OSTM1: variants seen among roughly 807,000 people sequenced by gnomAD.
The protein encoded by OSTM1 is osteopetrosis-associated transmembrane protein 1.
A neutral mutation model predicts 35.4 loss-of-function variants in OSTM1; 26 were observed. The ratio of observed to expected loss-of-function variants is 0.73; its 90% confidence interval spans 0.54 to 1.02. The LOEUF is 1.02. Ranked by LOEUF, OSTM1 falls within the 50% of genes least tolerant of loss-of-function variation. The pLI is 0.00. For missense variants in OSTM1, 366 were observed against 409.6 expected (o/e 0.89, Z 0.92); for synonymous variants, 181 against 165.0 (o/e 1.10, Z -0.75).
chr6:108,074,399 G>A lies in OSTM1; in HGVS notation c.253C>T (p.Arg85Trp), dbSNP rs1330814101. The A allele has an allele frequency of 6.3e-7, 1 of 1,575,738 alleles. No individual in the cohort carries two copies. The highest frequency in any genetic ancestry group is 1.3e-5 in the African/African-American group (1 of 74,418). Residue 85 changes from arginine to tryptophan, a missense_variant, in exon 1 of 6, where the codon CGG (arginine) becomes TGG (tryptophan). By Grantham distance (101) the Arg-to-Trp change is moderately radical (BLOSUM62 -3). Transcript: ENST00000193322. ...PDLPDLDPECRELLLDFANSS... is the reference protein window; with the variant it reads ...PDLPDLDPECWELLLDFANSS... ...TTGGCGAAGTCCAGCAGGAGCTCCC[G>A]GCACTCAGGATCCAGATCCGGCAGG...
chr6:108,059,969 A>G (rs1772243317), intron 2 of OSTM1, among the ~76,000 whole-genome samples: 1 of 152,198 alleles, frequency 6.6e-6, no homozygotes, highest in South Asian at 2.1e-4. Context: ...TTAAATTTCT[A>G]TATATTTTTG....
chr6:108,054,869 G>A (rs139660405), intron 2 of OSTM1, among the ~76,000 whole-genome samples: 378 of 152,118 alleles, frequency 2.5e-3, no homozygotes, highest in Non-Finnish European at 4.0e-3. Context: ...TCATAATCAC[G>A]GAATATCAGC....
chr6:108,049,949 T>C (rs555005756), intron 4 of OSTM1, among the ~76,000 whole-genome samples: 66 of 152,340 alleles, frequency 4.3e-4, no homozygotes, highest in Middle Eastern at 3.4e-3. Context: ...AGCTCATTAA[T>C]TCTGACCTCA....
chr6:108,064,393 A>G, intron 1 of OSTM1, 94 bp from the exon 2 acceptor site: 3 of 735,384 alleles, frequency 4.1e-6, no homozygotes, highest in East Asian at 5.2e-5. Context: ...AACATTTATT[A>G]TAAGCTTTTT....
chr6:108,072,591 C>T (rs1772503607), intron 1 of OSTM1, among the ~76,000 whole-genome samples: 1 of 150,072 alleles, frequency 6.7e-6, no homozygotes, highest in Admixed American at 6.7e-5. Flanking sequence ...CGAGATGACA[C>T]CACTGAACTC....
intron 2 of OSTM1, chr6:108,060,952 A>G (rs1772261553): frequency 6.6e-6 from 1 of 152,190 alleles, no homozygotes; most frequent in South Asian, 2.1e-4. Context: ...AAAATAAAGA[A>G]GTGAATCCCA....
rs1456427265 is a variant in OSTM1, at chr6:108,074,327, C to T, written c.325G>A (p.Val109Met). Residue 109 changes from valine to methionine, a missense_variant, in exon 1 of 6, where the codon GTG becomes ATG. Physicochemically the swap from Val to Met is conservative, Grantham distance 21. This residue lies in a region of OSTM1 where 236 missense variants were observed against 239.3 expected (regional missense o/e 0.99). Transcript: ENST00000193322. The part of the protein sequence containing the change: ...TGCLVRSARP[V>M]RLCQTCYPLF... ...GGGTAGCAGGTCTGACAGAGGCGCA[C>T]GGGCCGGGCGCTGCGCACCAGACAC... The T allele has an allele frequency of 2.6e-5, 42 of 1,611,182 alleles. No homozygotes were observed. Among genetic ancestry groups the T allele is most frequent in the Non-Finnish European group, 3.4e-5 (40 of 1,179,558 alleles).
intron 1 of OSTM1, among the ~76,000 whole-genome samples, chr6:108,068,485 C>T (rs1205731113): frequency 3.3e-5 from 5 of 152,282 alleles, no homozygotes; most frequent in South Asian, 2.1e-4. Context: ...AATGACAACC[C>T]TATTCATTAA....
chr6:108,063,689 G>A (rs576133157), intron 2 of OSTM1, among the ~76,000 whole-genome samples: 1 of 152,236 alleles, frequency 6.6e-6, no homozygotes, highest in East Asian at 1.9e-4. Context: ...CCCGCCGCCT[G>A]CCACACACCA....
At chr6:108,059,146 C>A (rs1772229080) in intron 2 of OSTM1, among the ~76,000 whole-genome samples, 1 of 152,182 alleles carries the variant, frequency 6.6e-6, no homozygotes, top group Non-Finnish European at 1.5e-5. Flanking sequence ...CAAATCTGGT[C>A]ATTCTGCTGA....
Position 108,043,531 on chromosome 6 carries a change from A to C in OSTM1, c.*1254T>G, listed in dbSNP as rs1345678029. On this transcript the variant is annotated 3_prime_UTR_variant, in exon 6 of 6. Transcript: ENST00000193322. ...TTTTATATTCTTAATGTTTACAACA[A>C]AGCCTATTTCCACCAAAAAAGCAAG... is the stretch of plus-strand genomic sequence containing the variant. The C allele has an allele frequency of 6.6e-6, 1 of 152,202 alleles. No homozygotes were observed. The highest frequency in any genetic ancestry group is 1.5e-5 in the Non-Finnish European group (1 of 68,034). 9.4% of individuals were successfully genotyped at this position (152,202 alleles called of 1,614,324 possible).
At chr6:108,066,027 T>C (rs1772370542) in intron 1 of OSTM1, among the ~76,000 whole-genome samples, 1 of 151,862 alleles carries the variant, frequency 6.6e-6, no homozygotes, top group South Asian at 2.1e-4. Flanking sequence ...GATCATGGGG[T>C]GAAAGTGATA....
chr6:108,053,798 T>TC (rs1772124122), intron 3 of OSTM1, among the ~76,000 whole-genome samples: 2 of 152,210 alleles, frequency 1.3e-5, no homozygotes, highest in African/African-American at 4.8e-5. Context: ...AATTCATAAT[T>TC]CAGTGTTACC....
Position 108,051,141 on chromosome 6 carries a change from G to C in OSTM1, c.673C>G (p.Arg225Gly). 1 of 1,613,082 alleles carries C rather than the reference G, an allele frequency of 6.2e-7. No individual in the cohort carries two copies. Among genetic ancestry groups the C allele is most frequent in the Admixed American group, 1.7e-5 (1 of 60,008 alleles). ...CTACTCAGAGTTTTGTATGCTTCAC[G>C]GCAGTTTTTGCATACTTCTGAATAA... ...KNYSEVCKNC[R>G]EAYKTLSSLY... The change falls in exon 4 of 6, where the codon CGT (arginine) becomes GGT (glycine). Residue 225 changes from arginine (R) to glycine (G), a missense_variant. Physicochemically the swap from Arg to Gly is moderately radical, Grantham distance 125. Coordinates refer to ENST00000193322, the MANE Select transcript of OSTM1 (RefSeq NM_014028.4).
At chr6:108,049,206 A>T in intron 5 of OSTM1, 47 bp downstream of exon 5, 2 of 1,377,922 alleles carry the variant, frequency 1.5e-6, no homozygotes, top group Non-Finnish European at 2.0e-6. Context: ...CTAAATTTTT[A>T]AAATACAGGC....
chr6:108,074,124 C>T (rs1011358463), intron 1 of OSTM1, 126 bp downstream of exon 1: 1 of 940,546 alleles, frequency 1.1e-6, no homozygotes. Flanking sequence ...CCCAACTCTA[C>T]AGACTCAGTC....
intron 1 of OSTM1, among the ~76,000 whole-genome samples, chr6:108,070,188 C>A (rs538310085): frequency 3.9e-5 from 6 of 152,238 alleles, no homozygotes; most frequent in African/African-American, 1.2e-4. Context: ...CAGGCACATG[C>A]CACTACTCCT....
chr6:108,067,779 C>T (rs981970405), intron 1 of OSTM1, among the ~76,000 whole-genome samples: 2 of 136,190 alleles, frequency 1.5e-5, no homozygotes, highest in Non-Finnish European at 3.0e-5. Flanking sequence ...TGCAGTGAGC[C>T]GAGATTGTGC....
At chr6:108,067,827 C>CT (rs1159266924) in intron 1 of OSTM1, among the ~76,000 whole-genome samples, 5 of 53,496 alleles carry the variant, frequency 9.3e-5, no homozygotes, top group Non-Finnish European at 1.6e-4. Flanking sequence ...GAGCCTCTGT[C>CT]TAAAAAAAAA....
Sources: gnomAD v4.1 joint callset for allele counts (sites outside exome capture counted in the v4.1 genomes callset) on GRCh38, gnomAD v4.1.1 for gene constraint, gnomAD v4.1.1 regional missense constraint, MANE v1.5 for transcripts, NCBI Gene and HGNC (gene_info 2026-07-23, HGNC 2026-07-21) for gene names.